The following IL24 variants were observed in gnomAD, a reference collection of about 807,000 sequenced individuals.
IL24 encodes the protein interleukin-24.
IL24 carries 24 observed loss-of-function variants against 27.6 expected under a neutral mutation model. The ratio of observed to expected loss-of-function variants is 0.87; its 90% CI spans 0.63 to 1.22. The LOEUF (loss-of-function observed/expected upper bound fraction) is 1.22, where lower values mean the gene tolerates loss of function less well. Among genes scored for constraint, IL24 ranks in the 50% most tolerant of loss-of-function variants. The pLI is 0.00. For missense variants in IL24, 240 were observed against 237.0 expected, an observed-to-expected ratio of 1.01 and a Z score of -0.08; for synonymous variants, 99 against 93.1, an observed-to-expected ratio of 1.06 and a Z score of -0.36.
intron 2 of IL24, among the ~76,000 whole-genome samples, chr1:206,898,608 A>T (rs1678250598): frequency 6.6e-6 from 1 of 152,120 alleles, no homozygotes; most frequent in South Asian, 2.1e-4. Context: ...GAGGCTCTTC[A>T]CTCAGTCCTT....
intron 2 of IL24, among the ~76,000 whole-genome samples, chr1:206,898,455 G>A (rs1475148493): frequency 2.0e-5 from 3 of 152,006 alleles, no homozygotes; most frequent in African/African-American, 7.2e-5. Context: ...GAGGGAGCGA[G>A]AGAGGAAAGA....
Position 206,902,983 on chromosome 1 carries a change from T to C in IL24, c.545T>C (p.Val182Ala). Reference sequence around the variant, plus strand: ...ACCCTCTTTTCCCTTTAGTTGGACGTAGAAGCAGCTCTGACCAAAGCCCTT... The same window carrying C: ...ACCCTCTTTTCCCTTTAGTTGGACGCAGAAGCAGCTCTGACCAAAGCCCTT... Reference protein sequence around the residue: ...LFRRAFKQLDVEAALTKALGE... With the variant: ...LFRRAFKQLDAEAALTKALGE... The change falls in exon 7 of 7, where the codon GTA becomes GCA. Residue 182 changes from valine (V) to alanine (A), a missense_variant. Coordinates refer to ENST00000294984, the MANE Select transcript of IL24 (RefSeq NM_006850.3). 1.9e-6 allele frequency: 3 copies of C among 1,614,202 alleles called. No homozygotes were observed. Among genetic ancestry groups the C allele is most frequent in the Non-Finnish European group, 2.5e-6 (3 of 1,180,030 alleles).
chr1:206,898,178 AAAAAAAAAGCCTGT>A (rs1303028393), intron 2 of IL24, among the ~76,000 whole-genome samples: 4 of 149,744 alleles, frequency 2.7e-5, no homozygotes, highest in African/African-American at 4.9e-5. Flanking sequence ...AAAAAAAAAA[AAAAAAAAAGCCTGT>A]GGAGTTTGAA....
chr1:206,899,195 G>A, intron 2 of IL24, 125 bp from the exon 3 acceptor site: 1 of 967,402 alleles, frequency 1.0e-6, no homozygotes, highest in Non-Finnish European at 1.5e-6. Flanking sequence ...GTTTGCAATA[G>A]TCTCAACTTG....
At position 206,903,086 on chromosome 1, in the gene IL24, C is replaced by T. The variant is rs187890178; in HGVS notation, c.*27C>T. ...TGTCTAGACCAGGACCTCCCTCCCC[C>T]TGGCACTGGTTTGTTCCCTGTGTCA... On this transcript the variant is annotated 3_prime_UTR_variant, in exon 7 of 7. Transcript: ENST00000294984. The T allele has an allele frequency of 1.9e-6, 3 of 1,575,982 alleles. No homozygotes were observed. The highest frequency in any genetic ancestry group is 2.6e-6 in the Non-Finnish European group (3 of 1,145,134).
intron 4 of IL24, 70 bp downstream of exon 4, chr1:206,900,427 T>C (rs1678335193): frequency 7.3e-7 from 1 of 1,377,966 alleles, no homozygotes; most frequent in Non-Finnish European, 1.0e-6. Flanking sequence ...AAGGCTTTCT[T>C]AGGGGAGGTT....
chr1:206,897,789 G>A lies in IL24; in HGVS notation c.-44G>A, dbSNP rs1412660140. Reference sequence around the variant, plus strand: ...CGCCAATTTAACACCAAGAAGAATTGAGGCTGCTTGGGAGGAAGGCCAGGA... The same window carrying A: ...CGCCAATTTAACACCAAGAAGAATTAAGGCTGCTTGGGAGGAAGGCCAGGA... On this transcript the variant is annotated 5_prime_UTR_variant, in exon 2 of 7. The change abolishes the stop of an existing upstream ORF in the 5' untranslated region. Coordinates refer to ENST00000294984, the MANE Select transcript of IL24 (RefSeq NM_006850.3). The A allele has an allele frequency of 6.8e-6, 11 of 1,610,312 alleles. No individual in the cohort carries two copies. Among genetic ancestry groups the A allele is most frequent in the Non-Finnish European group, 9.3e-6 (11 of 1,177,604 alleles).
intron 2 of IL24, among the ~76,000 whole-genome samples, chr1:206,899,041 G>A (rs1235193454): frequency 6.6e-6 from 1 of 152,194 alleles, no homozygotes; most frequent in Non-Finnish European, 1.5e-5. Context: ...GAACTGCGAT[G>A]GAGAAGGAGG....
chr1:206,897,719 G>A lies in IL24; in HGVS notation c.-102-12G>A. On this transcript the variant is annotated splice_polypyrimidine_tract_variant and intron_variant, in intron 1 of 6. Coordinates refer to ENST00000294984, the MANE Select transcript of IL24 (RefSeq NM_006850.3). ...GGACAGCAGAAGTCAATTTTTTTGA[G>A]TGTTGATGTAGGGACAAGACATGAC... 1 of 1,053,444 alleles carries A rather than the reference G, an allele frequency of 9.5e-7. No individual in the cohort carries two copies. The highest frequency in any genetic ancestry group is 2.0e-5 in the Admixed American group (1 of 48,862). 65.3% of individuals were successfully genotyped at this position (1,053,444 alleles called of 1,614,324 possible). A position where few individuals can be genotyped will look rare whatever the true frequency, so the allele number is the denominator to read the frequency against.
rs983723979 is a variant in IL24 at position 206,903,803 on chromosome 1, C to T, written c.*744C>T. On this transcript the variant is annotated 3_prime_UTR_variant, in exon 7 of 7. Coordinates refer to ENST00000294984, the MANE Select transcript of IL24 (RefSeq NM_006850.3). ...GCTGACCTTGCTGATGGTGACATTG[C>T]ACCTGGATGTACTATCCAATCTGTG... 6.6e-6 allele frequency: 1 copy of T among 152,252 alleles called. No individual in the cohort carries two copies. The highest frequency in any genetic ancestry group is 2.4e-5 in the African/African-American group (1 of 41,396). The allele number at this position is 152,252 out of a possible 1,614,324, so 9.4% of individuals were successfully genotyped here.
At chr1:206,901,391 T>A in intron 4 of IL24, 103 bp from the exon 5 acceptor site, 6 of 1,291,042 alleles carry the variant, frequency 4.6e-6, no homozygotes, top group Non-Finnish European at 6.3e-6. Flanking sequence ...AAGATCCCTA[T>A]CTCTGCTGTG....
chr1:206,901,239 G>C (rs1469719352), intron 4 of IL24, among the ~76,000 whole-genome samples: 3 of 152,106 alleles, frequency 2.0e-5, no homozygotes, highest in Non-Finnish European at 4.4e-5. Flanking sequence ...TGGGAGCTAG[G>C]CTGTGTCTGC....
Position 206,899,094 on chromosome 1 carries a change from G to C in IL24, c.45-226G>C, listed in dbSNP as rs531321502. ...GTGTGGACGGGCAAGGTGGGGAAGA[G>C]CAGGTGGACAGATGGCAAGACGAGC... On this transcript the variant is annotated intron_variant, in intron 2 of 6. Transcript: ENST00000294984. Among the ~76,000 whole-genome samples, 57 of 152,354 alleles carry C rather than the reference G, an allele frequency of 3.7e-4. 1 individual carries two copies. The South Asian group carries it at 0.011, about 30-fold the overall frequency.
At chr1:206,900,477 C>A in intron 4 of IL24, 120 bp downstream of exon 4, 2 of 861,888 alleles carry the variant, frequency 2.3e-6, no homozygotes, top group Non-Finnish European at 3.9e-6. Flanking sequence ...TGACCTTACA[C>A]AGGACAGGGC....
intron 6 of IL24, chr1:206,902,568 T>C: frequency 3.5e-6 from 2 of 572,610 alleles, no homozygotes; most frequent in Non-Finnish European, 3.9e-6. Context: ...TTCGATCACT[T>C]TTTTTTTTTT....
At chr1:206,901,764 T>C in intron 5 of IL24, 112 bp downstream of exon 5, 1 of 959,154 alleles carries the variant, frequency 1.0e-6, no homozygotes, top group South Asian at 1.6e-5. Context: ...CTTCAGTTTG[T>C]TATCTGTAAA....
rs1678485343 is a variant in IL24, at chr1:206,903,539, G to GA, written c.*484dup. 6.2e-6 allele frequency: 1 copy of GA among 161,466 alleles called. No homozygotes were observed. Among genetic ancestry groups the GA allele is most frequent in the Admixed American group, 5.9e-5 (1 of 17,040 alleles). 10.0% of individuals were successfully genotyped at this position (161,466 alleles called of 1,614,324 possible). On this transcript the variant is annotated 3_prime_UTR_variant, in exon 7 of 7. Coordinates refer to ENST00000294984, the MANE Select transcript of IL24 (RefSeq NM_006850.3). Reference sequence around the variant, plus strand: ...GATGTAAAACTGAACTTCAGAGCATGAAAATCACACTGTCTTCTGATATCT... The same window carrying GA: ...GATGTAAAACTGAACTTCAGAGCATGAAAAATCACACTGTCTTCTGATATCT...
Position 206,902,078 on chromosome 1 carries a change from G to A in IL24, c.537+6G>A, listed in dbSNP as rs1404758060. ...TCCGGAGAGCATTCAAACAGGTAAG[G>A]CCAAGAGCTGAGAGCTTGCCCATCC... On this transcript the variant is annotated splice_donor_region_variant and intron_variant, in intron 6 of 6. Transcript: ENST00000294984. The A allele has an allele frequency of 6.2e-7, 1 of 1,613,890 alleles. No individual in the cohort carries two copies. Among genetic ancestry groups the A allele is most frequent in the Admixed American group, 1.7e-5 (1 of 60,014 alleles).
intron 4 of IL24, 56 bp from the exon 5 acceptor site, chr1:206,901,438 C>T: frequency 1.9e-6 from 3 of 1,551,672 alleles, no homozygotes; most frequent in Non-Finnish European, 2.6e-6. Flanking sequence ...GTTGTTCCTT[C>T]AGGGGGTCAG....
Sources: gnomAD v4.1 joint callset for allele counts (sites outside exome capture counted in the v4.1 genomes callset) on GRCh38, gnomAD v4.1.1 for gene constraint, MANE v1.5 for transcripts, NCBI Gene and HGNC (gene_info 2026-07-23, HGNC 2026-07-21) for gene names.